The following MAGI1 variants were observed in gnomAD, a reference collection of about 807,000 sequenced individuals.
MAGI1 encodes the protein membrane-associated guanylate kinase, WW and PDZ domain-containing protein 1.
In MAGI1, 58 loss-of-function variants were observed where a neutral mutation model predicts 139.9. The observed-to-expected ratio is 0.41, with a 90% CI of 0.34 to 0.52. MAGI1 has a LOEUF of 0.52. Among genes scored for constraint, MAGI1 ranks in the 20% least tolerant of loss-of-function variants. MAGI1 has a pLI of 0.12. For synonymous variants in MAGI1, 812 were observed against 737.9 expected (o/e 1.10, Z -1.63); for missense variants, 1,874 against 1,901.6 (o/e 0.99, Z 0.27).
intron 1 of MAGI1, among the ~76,000 whole-genome samples, chr3:66,000,589 T>C (rs1206176910): frequency 6.6e-6 from 1 of 152,204 alleles, no homozygotes; most frequent in Admixed American, 6.5e-5. Flanking sequence ...AAGCTAAAAC[T>C]GTCCAAAGGC....
chr3:65,487,279 G>T (rs79424503), intron 3 of MAGI1, among the ~76,000 whole-genome samples: 1 of 152,146 alleles, frequency 6.6e-6, no homozygotes, highest in South Asian at 2.1e-4. Context: ...TTGGATATTC[G>T]TTTATTTAAA....
At chr3:65,991,736 C>T (rs1011648131) in intron 1 of MAGI1, among the ~76,000 whole-genome samples, 1 of 152,114 alleles carries the variant, frequency 6.6e-6, no homozygotes, top group African/African-American at 2.4e-5. Flanking sequence ...AAATCCAGGC[C>T]AGGCACGGTG....
rs397950872 is a variant in MAGI1, at chr3:65,991,307, T to TAA, written c.313+46687_313+46688dup. ...TCTGTCTAAAAAAAAAAAAAAAAGG[T>TAA]AAAAAAAAAAAAAAAAGAAAGTTAA... On this transcript the variant is annotated intron_variant, in intron 1 of 22. Coordinates refer to ENST00000402939, the MANE Select transcript of MAGI1 (RefSeq NM_001033057.2). 7.2e-3 allele frequency among the ~76,000 whole-genome samples: 790 copies of TAA among 109,296 alleles called. 8 individuals carry two copies. The highest frequency in any genetic ancestry group is 0.022 in the African/African-American group (692 of 31,144). 71.7% of individuals were successfully genotyped at this position (109,296 alleles called of 152,430 possible).
chr3:65,577,539 C>T (rs779251852), intron 2 of MAGI1, among the ~76,000 whole-genome samples: 4 of 152,156 alleles, frequency 2.6e-5, no homozygotes, highest in African/African-American at 4.8e-5. Context: ...AGTGCCTCCT[C>T]GTGTCACCCC....
intron 1 of MAGI1, among the ~76,000 whole-genome samples, chr3:65,675,704 G>A (rs906353354): frequency 2.6e-5 from 4 of 152,150 alleles, no homozygotes; most frequent in African/African-American, 9.7e-5. Flanking sequence ...GAATTTCAAC[G>A]ATGTAAGCTA....
At chr3:65,358,134 A>C in intron 22 of MAGI1, among the ~76,000 whole-genome samples, 1 of 152,182 alleles carries the variant, frequency 6.6e-6, no homozygotes, top group East Asian at 1.9e-4. Context: ...GTTTAAAAGC[A>C]GGGCAGCCCA....
chr3:65,712,877 A>T (rs1464750988), intron 1 of MAGI1, among the ~76,000 whole-genome samples: 1 of 152,174 alleles, frequency 6.6e-6, no homozygotes, highest in Non-Finnish European at 1.5e-5. Context: ...ACTTTCTAGG[A>T]ATTTTCTACA....
At chr3:65,818,764 A>G (rs1255968399) in intron 1 of MAGI1, among the ~76,000 whole-genome samples, 2 of 152,200 alleles carry the variant, frequency 1.3e-5, no homozygotes, top group African/African-American at 4.8e-5. Flanking sequence ...GCACGAGGGC[A>G]CCAGATTTGA....
intron 1 of MAGI1, among the ~76,000 whole-genome samples, chr3:65,858,428 A>T (rs1436544134): frequency 6.6e-6 from 1 of 152,186 alleles, no homozygotes; most frequent in East Asian, 1.9e-4. Flanking sequence ...GCATTCAACT[A>T]ATTTTTTCAT....
intron 1 of MAGI1, among the ~76,000 whole-genome samples, chr3:65,890,597 C>G (rs894997114): frequency 3.3e-5 from 5 of 152,168 alleles, no homozygotes; most frequent in Admixed American, 2.6e-4. Flanking sequence ...ACTTTAACAC[C>G]ACATCCAACG....
chr3:65,852,402 A>G (rs917633477), intron 1 of MAGI1, among the ~76,000 whole-genome samples: 1 of 152,190 alleles, frequency 6.6e-6, no homozygotes, highest in African/African-American at 2.4e-5. Flanking sequence ...ATGGTGGAAC[A>G]ACATGTAAAA....
At chr3:65,604,520 G>A (rs2082641601) in intron 2 of MAGI1, among the ~76,000 whole-genome samples, 1 of 152,104 alleles carries the variant, frequency 6.6e-6, no homozygotes, top group African/African-American at 2.4e-5. Flanking sequence ...CTGGCTTGTG[G>A]AATACGATGA....
chr3:65,475,333 C>T (rs1342756889), intron 4 of MAGI1, among the ~76,000 whole-genome samples: 1 of 152,084 alleles, frequency 6.6e-6, no homozygotes, highest in African/African-American at 2.4e-5. Flanking sequence ...CCTGCCTTGG[C>T]CTCCTGAGTA....
intron 14 of MAGI1, among the ~76,000 whole-genome samples, chr3:65,390,360 C>T (rs2106980593): frequency 6.6e-6 from 1 of 152,230 alleles, no homozygotes; most frequent in South Asian, 2.1e-4. Context: ...GCTGCCTCAC[C>T]CTGACCATTA....
At chr3:65,510,344 T>A (rs1044439518) in intron 2 of MAGI1, among the ~76,000 whole-genome samples, 6 of 151,932 alleles carry the variant, frequency 3.9e-5, no homozygotes, top group African/African-American at 1.5e-4. Flanking sequence ...CTTCAGACGA[T>A]CAAATTACTC....
At chr3:65,437,681 T>G (rs751708060) in intron 9 of MAGI1, among the ~76,000 whole-genome samples, 3 of 152,116 alleles carry the variant, frequency 2.0e-5, no homozygotes, top group Non-Finnish European at 4.4e-5. Flanking sequence ...TTCTGTTATC[T>G]CTGAATCCAA....
intron 2 of MAGI1, among the ~76,000 whole-genome samples, chr3:65,556,815 C>T (rs925400017): frequency 1.8e-4 from 27 of 152,166 alleles, no homozygotes; most frequent in African/African-American, 6.3e-4. Context: ...GAACAAGATC[C>T]TTAATATGAC....
chr3:65,859,386 T>A, intron 1 of MAGI1, among the ~76,000 whole-genome samples: 1 of 151,436 alleles, frequency 6.6e-6, no homozygotes, highest in East Asian at 1.9e-4. Flanking sequence ...TGAAACTCCA[T>A]TTAGCATGGA....
chr3:65,638,273 T>C (rs917478697), intron 1 of MAGI1, among the ~76,000 whole-genome samples: 2 of 152,312 alleles, frequency 1.3e-5, no homozygotes, highest in Middle Eastern at 3.4e-3. Flanking sequence ...TCCTTCATCA[T>C]CTGACTTGAA....
Sources: gnomAD v4.1 joint callset for allele counts (sites outside exome capture counted in the v4.1 genomes callset) on GRCh38, gnomAD v4.1.1 for gene constraint, MANE v1.5 for transcripts, NCBI Gene and HGNC (gene_info 2026-07-23, HGNC 2026-07-21) for gene names.